FGFR2: variants seen among roughly 807,000 people sequenced by gnomAD.
The protein encoded by FGFR2 is BEK fibroblast growth factor receptor.
FGFR2 carries 19 observed loss-of-function variants against 95.9 expected under a neutral mutation model. The ratio of observed to expected loss-of-function variants is 0.20; its 90% CI spans 0.14 to 0.29. The LOEUF is 0.29. FGFR2 is among the 10% of genes least tolerant of loss of function. FGFR2 has a pLI of 1.00. For missense variants in FGFR2, 707 were observed against 1,056.9 expected, an observed-to-expected ratio of 0.67 and a Z score of 4.59; for synonymous variants, 392 against 393.3, an observed-to-expected ratio of 1.00 and a Z score of 0.04.
At chr10:121,489,019 T>C (rs534869211) in intron 13 of FGFR2, among the ~76,000 whole-genome samples, 1 of 152,310 alleles carries the variant, frequency 6.6e-6, no homozygotes, top group South Asian at 2.1e-4. Flanking sequence ...CTTCAGATGC[T>C]ATTGATTTCT....
chr10:121,574,975 C>T (rs905305636), intron 2 of FGFR2, among the ~76,000 whole-genome samples: 2 of 152,176 alleles, frequency 1.3e-5, no homozygotes, highest in African/African-American at 4.8e-5. Context: ...CTGAAACCTC[C>T]CTGGTCGCTA....
chr10:121,497,130 C>CAAAAAA (rs35537265), intron 12 of FGFR2, among the ~76,000 whole-genome samples: 2 of 91,440 alleles, frequency 2.2e-5, no homozygotes, highest in African/African-American at 3.8e-5. Flanking sequence ...GACTTTGTCT[C>CAAAAAA]AAAAAAAAAA....
At chr10:121,484,951 G>A (rs536124261) in intron 16 of FGFR2, among the ~76,000 whole-genome samples, 55 of 152,176 alleles carry the variant, frequency 3.6e-4, no homozygotes, top group African/African-American at 1.2e-3. Context: ...GGGGCCAGGC[G>A]GGGGCCAGGC....
intron 2 of FGFR2, among the ~76,000 whole-genome samples, chr10:121,567,209 C>G (rs1313232758): frequency 1.3e-5 from 2 of 152,176 alleles, no homozygotes; most frequent in African/African-American, 2.4e-5. Context: ...GGGCCACATG[C>G]ATTGGGGACA....
intron 7 of FGFR2, 34 bp downstream of exon 7, chr10:121,519,945 G>C (rs1406308821): frequency 6.2e-7 from 1 of 1,607,586 alleles, no homozygotes; most frequent in South Asian, 1.1e-5. Context: ...GGAGACCCCA[G>C]TTGTGGGTAC....
In FGFR2 at chr10:121,485,396, G is replaced by C. The variant is rs2133793332; in HGVS notation, c.2194C>G (p.Leu732Val). The change falls in exon 16 of 18, where the codon CTG becomes GTG. Residue 732 changes from leucine (L) to valine (V), a missense_variant and splice_region_variant. Leu to Val is a conservative substitution (Grantham distance 32, BLOSUM62 1). Coordinates refer to ENST00000358487, the MANE Select transcript of FGFR2 (RefSeq NM_000141.5). The surrounding 1 kb of genome is among the most constrained non-coding windows in gnomAD (Gnocchi z 4.2). ...GGCAGGAAAGACAACAGCCCTTACAGTTCGTTGGTGCAGTTGGCTGGCTTA... is the reference window on the plus strand; with the variant it reads ...GGCAGGAAAGACAACAGCCCTTACACTTCGTTGGTGCAGTTGGCTGGCTTA... ...MDKPANCTNE[L>V]YMMMRDCWHA... 6.2e-7 allele frequency: 1 copy of C among 1,614,116 alleles called. No homozygotes were observed. Among genetic ancestry groups the C allele is most frequent in the Non-Finnish European group, 8.5e-7 (1 of 1,180,004 alleles).
chr10:121,557,318 T>A (rs908260158), intron 4 of FGFR2, among the ~76,000 whole-genome samples: 7 of 152,162 alleles, frequency 4.6e-5, no homozygotes, highest in African/African-American at 1.7e-4. Context: ...AGCTTTTTCT[T>A]CTTTTTAAGA....
intron 6 of FGFR2, chr10:121,538,055 C>T (rs918191744): frequency 6.9e-5 from 31 of 450,414 alleles, no homozygotes; most frequent in Non-Finnish European, 1.1e-4. Context: ...TCCCTTTGCA[C>T]AGAGGAAATA....
chr10:121,593,589 T>A, intron 2 of FGFR2, 120 bp downstream of exon 2: 1 of 877,976 alleles, frequency 1.1e-6, no homozygotes, highest in Non-Finnish European at 1.9e-6. Flanking sequence ...GAGACCACGA[T>A]CTGGTGCTCT....
intron 2 of FGFR2, among the ~76,000 whole-genome samples, chr10:121,571,858 G>A (rs1465831942): frequency 1.3e-5 from 2 of 151,718 alleles, no homozygotes; most frequent in African/African-American, 2.4e-5. Context: ...CAGGAGAATC[G>A]CTTGAACCCA....
At position 121,520,063 on chromosome 10, in the gene FGFR2, C is replaced by T. The variant is rs1161520202; in HGVS notation, c.855G>A (p.Gln285=). Reference sequence around the variant, plus strand: ...CGTGCTTGATCCACTGGATGTGGGGCTGGGCATCACTGTAAACCTTGCAGA... The same window carrying T: ...CGTGCTTGATCCACTGGATGTGGGGTTGGGCATCACTGTAAACCTTGCAGA... ...EFVCKVYSDA[Q]PHIQWIKHVE... is the part of the protein sequence containing the mutation. Residue 285 remains glutamine (Q), a synonymous_variant, in exon 7 of 18, where the codon CAG becomes CAA. Coordinates refer to ENST00000358487, the MANE Select transcript of FGFR2 (RefSeq NM_000141.5). 6.2e-7 allele frequency: 1 copy of T among 1,614,104 alleles called. No individual in the cohort carries two copies. Among genetic ancestry groups the T allele is most frequent in the African/African-American group, 1.3e-5 (1 of 74,948 alleles).
intron 17 of FGFR2, chr10:121,480,388 T>G: frequency 2.6e-6 from 1 of 391,690 alleles, no homozygotes; most frequent in South Asian, 2.8e-5. Flanking sequence ...CACACGGACC[T>G]AAATAACCCG....
At position 121,487,536 on chromosome 10, in the gene FGFR2, T is replaced by C. The variant is rs569815920; in HGVS notation, c.1987-112A>G. 3.4e-5 allele frequency: 28 copies of C among 820,388 alleles called. No homozygotes were observed. The African/African-American group carries it at 4.6e-4, about 13-fold the overall frequency. The allele number at this position is 820,388 out of a possible 1,614,324, so 50.8% of individuals were successfully genotyped here. A position where few individuals can be genotyped will look rare whatever the true frequency, so the allele number is the denominator to read the frequency against. On this transcript the variant is annotated intron_variant, in intron 14 of 17. Coordinates refer to ENST00000358487, the MANE Select transcript of FGFR2 (RefSeq NM_000141.5). ...AGCTGATATTCTCGGTTTTTACTAG[T>C]CAGTCAATAGAGCAGAAATCAGTCC...
At chr10:121,580,759 G>A (rs903558550) in intron 2 of FGFR2, among the ~76,000 whole-genome samples, 2 of 152,142 alleles carry the variant, frequency 1.3e-5, no homozygotes, top group South Asian at 2.1e-4. Flanking sequence ...GTTAAGAGCC[G>A]GCGCCATCAC....
intron 2 of FGFR2, among the ~76,000 whole-genome samples, chr10:121,577,185 A>AGAGAGAGAGAGAGAGAGAGAGAGAGAGG (rs1554859068): frequency 2.0e-4 from 23 of 114,824 alleles, no homozygotes; most frequent in Admixed American, 4.5e-4. Context: ...ATATAGAGAG[A>AGAGAGAGAGAGAGAGAGAGAGAGAGAGG]GAGAGAGAGA....
chr10:121,574,977 T>C (rs1037311080), intron 2 of FGFR2, among the ~76,000 whole-genome samples: 2 of 152,236 alleles, frequency 1.3e-5, no homozygotes, highest in Admixed American at 1.3e-4. Flanking sequence ...GAAACCTCCC[T>C]GGTCGCTAAC....
At chr10:121,493,225 G>A (rs553008897) in intron 13 of FGFR2, among the ~76,000 whole-genome samples, 3 of 152,268 alleles carry the variant, frequency 2.0e-5, no homozygotes, top group African/African-American at 4.8e-5. Context: ...AGCTTCTCCC[G>A]GAGGGGTCAG....
intron 2 of FGFR2, among the ~76,000 whole-genome samples, chr10:121,566,403 G>A: frequency 6.6e-6 from 1 of 152,190 alleles, no homozygotes; most frequent in Non-Finnish European, 1.5e-5. Context: ...ACAGCTGCAA[G>A]GCAGTCTCCG....
At chr10:121,512,695 G>T (rs1252377005) in intron 9 of FGFR2, among the ~76,000 whole-genome samples, 1 of 151,984 alleles carries the variant, frequency 6.6e-6, no homozygotes, top group Non-Finnish European at 1.5e-5. Flanking sequence ...AAATAACCTT[G>T]GAACCACTGG....
Sources: allele counts gnomAD v4.1 joint callset (sites outside exome capture counted in the v4.1 genomes callset), GRCh38; gene constraint gnomAD v4.1.1; non-coding constraint Gnocchi (gnomAD v3.1); transcripts MANE v1.5; gene names NCBI Gene and HGNC (gene_info 2026-07-23, HGNC 2026-07-21).